Variants in WDR82 observed in about 807,000 individuals in gnomAD.
WDR82 encodes WD repeat domain 82.
WDR82 carries 8 observed loss-of-function variants against 36.1 expected under a neutral mutation model. The ratio of observed to expected loss-of-function variants is 0.22; its 90% CI spans 0.13 to 0.40. The LOEUF (loss-of-function observed/expected upper bound fraction) is 0.40. Among genes scored for constraint, WDR82 ranks in the 10% least tolerant of loss-of-function variants. The probability of loss-of-function intolerance (pLI) is 1.00; values close to 1 mark genes in which losing one functional copy is unlikely to be tolerated. For synonymous variants in WDR82, 129 were observed against 137.8 expected (o/e 0.94, Z 0.45); for missense variants, 185 against 400.5 (o/e 0.46, Z 4.59).
In WDR82 at chr3:52,256,691, G is replaced by A. The variant is rs1195580209; in HGVS notation, c.*799C>T. On this transcript the variant is annotated 3_prime_UTR_variant, in exon 9 of 9. Coordinates refer to ENST00000296490, the MANE Select transcript of WDR82 (RefSeq NM_025222.4). ...ACAAACCAAGCTTGGTAGGCACCCAGGAGGACCGTGGGTTTGTCTTGATGA... is the reference window on the plus strand; with the variant it reads ...ACAAACCAAGCTTGGTAGGCACCCAAGAGGACCGTGGGTTTGTCTTGATGA... The A allele has an allele frequency of 6.5e-6, 1 of 153,734 alleles. No individual in the cohort carries two copies. The highest frequency in any genetic ancestry group is 1.5e-5 in the Non-Finnish European group (1 of 68,068). The allele number at this position is 153,734 out of a possible 1,614,324, so 9.5% of individuals were successfully genotyped here.
At chr3:52,276,540 TAAC>T (rs971563507) in intron 1 of WDR82, among the ~76,000 whole-genome samples, 7 of 152,086 alleles carry the variant, frequency 4.6e-5, no homozygotes, top group African/African-American at 9.7e-5. Context: ...AGAAATGCTA[TAAC>T]AACCTTCATT....
In WDR82 at chr3:52,256,103, G is replaced by A. The variant is rs919941898; in HGVS notation, c.*1387C>T. The A allele has an allele frequency of 1.3e-5, 2 of 153,882 alleles. No individual in the cohort carries two copies. The highest frequency in any genetic ancestry group is 4.8e-5 in the African/African-American group (2 of 41,444). The allele number at this position is 153,882 out of a possible 1,614,324, so 9.5% of individuals were successfully genotyped here. A position where few individuals can be genotyped will look rare whatever the true frequency, so the allele number is the denominator to read the frequency against. On this transcript the variant is annotated 3_prime_UTR_variant, in exon 9 of 9. Transcript: ENST00000296490. ...ACCAAGCAAAAAGGGGGCTAATACT[G>A]CAGAGATGGCCCCAAAGTGCAGCTT... is the stretch of plus-strand genomic sequence containing the variant.
At chr3:52,277,487 A>G (rs535301967) in intron 1 of WDR82, among the ~76,000 whole-genome samples, 1 of 152,370 alleles carries the variant, frequency 6.6e-6, no homozygotes, top group Non-Finnish European at 1.5e-5. Context: ...GGAAGCTCAC[A>G]TTCAGGTCAG....
At chr3:52,276,125 C>T (rs1700200733) in intron 1 of WDR82, among the ~76,000 whole-genome samples, 5 of 152,070 alleles carry the variant, frequency 3.3e-5, no homozygotes, top group Admixed American at 3.3e-4. Context: ...ACAAAACTAG[C>T]ATTTTACTTT....
chr3:52,269,056 C>G (rs1389099229), intron 2 of WDR82, among the ~76,000 whole-genome samples: 1 of 152,136 alleles, frequency 6.6e-6, no homozygotes, highest in Non-Finnish European at 1.5e-5. Context: ...CTCAAGTGAT[C>G]CACTCTCCTA....
At chr3:52,266,383 C>T (rs1352072421) in intron 3 of WDR82, among the ~76,000 whole-genome samples, 2 of 151,860 alleles carry the variant, frequency 1.3e-5, no homozygotes, top group African/African-American at 4.8e-5. Context: ...ATATATAAAA[C>T]TAGAAATATA....
chr3:52,256,412 CTG>C lies in WDR82; in HGVS notation c.*1076_*1077del, dbSNP rs1559451566. ...ATGTATTTAAATGAAGGTGCATACACTGTGCTAAAATACAAACAACAGAAATC... is the reference window on the plus strand; with the variant it reads ...ATGTATTTAAATGAAGGTGCATACACTGCTAAAATACAAACAACAGAAATC... On this transcript the variant is annotated 3_prime_UTR_variant, in exon 9 of 9. Coordinates refer to ENST00000296490, the MANE Select transcript of WDR82 (RefSeq NM_025222.4). 1 of 153,738 alleles carries C rather than the reference CTG, an allele frequency of 6.5e-6. No individual in the cohort carries two copies. Among genetic ancestry groups the C allele is most frequent in the South Asian group, 2.1e-4 (1 of 4,826 alleles). 9.5% of individuals were successfully genotyped at this position (153,738 alleles called of 1,614,324 possible).
At chr3:52,276,427 T>A in intron 1 of WDR82, among the ~76,000 whole-genome samples, 2 of 143,352 alleles carry the variant, frequency 1.4e-5, no homozygotes, top group African/African-American at 2.6e-5. Flanking sequence ...AGAGACTCCG[T>A]CCCCCACCCG....
At chr3:52,264,671 A>T (rs1186366778) in intron 3 of WDR82, among the ~76,000 whole-genome samples, 1 of 152,112 alleles carries the variant, frequency 6.6e-6, no homozygotes, top group Non-Finnish European at 1.5e-5. Context: ...AGGAAAGGCC[A>T]ATTAAGGAGA....
At position 52,268,472 on chromosome 3, in the gene WDR82, C is replaced by T. The variant is rs564699743; in HGVS notation, c.260-1454G>A. ...CTTGGCAGCAAAGCTACAAGTGCCA[C>T]ACATTTGCCTCATCTTGCACCACAT... is the stretch of plus-strand genomic sequence containing the variant. On this transcript the variant is annotated intron_variant, in intron 2 of 8. Transcript: ENST00000296490. The T allele has an allele frequency of 3.4e-3, 1,235 of 365,064 alleles. 5 individuals are homozygous for T. Among genetic ancestry groups the T allele is most frequent in the Non-Finnish European group, 5.7e-3 (948 of 165,538 alleles). 22.6% of individuals were successfully genotyped at this position (365,064 alleles called of 1,614,324 possible).
chr3:52,267,377 C>T (rs1221841235), intron 2 of WDR82: 1 of 213,762 alleles, frequency 4.7e-6, no homozygotes, highest in East Asian at 1.7e-4. Context: ...GGTCTAGTGT[C>T]CACAGAATGG....
At chr3:52,271,233 C>T (rs913836906) in intron 1 of WDR82, among the ~76,000 whole-genome samples, 3 of 152,164 alleles carry the variant, frequency 2.0e-5, no homozygotes, top group East Asian at 1.9e-4. Flanking sequence ...AACTGTTTTA[C>T]GGCACCTTTT....
intron 1 of WDR82, among the ~76,000 whole-genome samples, chr3:52,273,862 T>A (rs1271696690): frequency 6.6e-6 from 1 of 152,180 alleles, no homozygotes; most frequent in Non-Finnish European, 1.5e-5. Flanking sequence ...ACCCAGGCGA[T>A]CCACCCGCCT....
chr3:52,263,915 G>T (rs1700082926), intron 3 of WDR82, among the ~76,000 whole-genome samples: 1 of 152,250 alleles, frequency 6.6e-6, no homozygotes, highest in Admixed American at 6.5e-5. Context: ...TGTAATCCCA[G>T]CACTTTGGGA....
chr3:52,277,198 T>C (rs1700212492), intron 1 of WDR82, among the ~76,000 whole-genome samples: 1 of 151,890 alleles, frequency 6.6e-6, no homozygotes, highest in Non-Finnish European at 1.5e-5. Flanking sequence ...TGGCTAAGGG[T>C]AAAACGAATT....
chr3:52,270,629 C>T, intron 2 of WDR82, 83 bp downstream of exon 2: 1 of 1,046,810 alleles, frequency 9.6e-7, no homozygotes. Context: ...AAAGTAGTCA[C>T]AAAGCAGAAG....
intron 2 of WDR82, among the ~76,000 whole-genome samples, chr3:52,270,180 C>T (rs1159275162): frequency 2.6e-5 from 4 of 152,182 alleles, no homozygotes; most frequent in Admixed American, 6.5e-5. Flanking sequence ...AGTGCAATGG[C>T]GTGATCTTGG....
Position 52,274,997 on chromosome 3 carries a change from G to A in WDR82, c.161+3204C>T, listed in dbSNP as rs141504637. ...CAGCACTTTGGGAGGCCGAGGCGGC[G>A]GATCACCTGAGGTCGGGAATTCGAG... On this transcript the variant is annotated intron_variant, in intron 1 of 8. Transcript: ENST00000296490. Among the ~76,000 whole-genome samples the A allele has an allele frequency of 3.4e-3, 518 of 152,144 alleles. 3 individuals carry two copies. Among genetic ancestry groups the A allele is most frequent in the African/African-American group, 0.012 (497 of 41,514 alleles).
chr3:52,267,395 T>G (rs1700115368), intron 2 of WDR82: 2 of 203,132 alleles, frequency 9.8e-6, no homozygotes, highest in African/African-American at 2.4e-5. Flanking sequence ...TGGCAAACCT[T>G]AAAGAAAAAT....
Sources: allele counts gnomAD v4.1 joint callset (sites outside exome capture counted in the v4.1 genomes callset), GRCh38; gene constraint gnomAD v4.1.1; transcripts MANE v1.5; gene names NCBI Gene and HGNC (gene_info 2026-07-23, HGNC 2026-07-21).